Variants in RPRD2 observed in about 807,000 individuals in gnomAD.
The protein encoded by RPRD2 is regulation of nuclear pre-mRNA domain-containing protein 2.
Under a neutral mutation model 104.4 loss-of-function variants are expected in RPRD2, and 12 were observed. The ratio of observed to expected loss-of-function variants is 0.11; its 90% CI spans 0.07 to 0.19. The LOEUF is 0.19. Ranked by LOEUF, RPRD2 falls within the 10% of genes least tolerant of loss-of-function variation. The probability of loss-of-function intolerance (pLI) is 1.00; values close to 1 mark genes in which losing one functional copy is unlikely to be tolerated. For missense variants in RPRD2, 1,543 were observed against 1,790.1 expected, an observed-to-expected ratio of 0.86 and a Z score of 2.49; for synonymous variants, 714 against 684.9, an observed-to-expected ratio of 1.04 and a Z score of -0.66.
intron 5 of RPRD2, 40 bp from the exon 6 acceptor site, chr1:150,444,211 A>G: frequency 1.9e-6 from 3 of 1,584,226 alleles, no homozygotes; most frequent in Non-Finnish European, 2.6e-6. Context: ...GAATAATTGA[A>G]TGATCTTGTA....
chr1:150,381,544 G>A (rs1272075200), intron 1 of RPRD2, among the ~76,000 whole-genome samples: 13 of 141,878 alleles, frequency 9.2e-5, no homozygotes, highest in African/African-American at 2.9e-4. Context: ...TTGCTCTATC[G>A]CCCAGGCTGG....
chr1:150,382,202 G>A (rs1661187369), intron 1 of RPRD2, among the ~76,000 whole-genome samples: 2 of 147,358 alleles, frequency 1.4e-5, no homozygotes, highest in Non-Finnish European at 3.0e-5. Context: ...TAAAGGAGTG[G>A]ACATGGCTTT....
intron 2 of RPRD2, among the ~76,000 whole-genome samples, chr1:150,420,272 T>C (rs1664671219): frequency 6.6e-6 from 1 of 152,160 alleles, no homozygotes; most frequent in Admixed American, 6.6e-5. Flanking sequence ...TGTAAAGATA[T>C]GTTTAAAAAC....
At chr1:150,428,888 A>G (rs1371780517) in intron 2 of RPRD2, among the ~76,000 whole-genome samples, 1 of 152,058 alleles carries the variant, frequency 6.6e-6, no homozygotes, top group Non-Finnish European at 1.5e-5. Context: ...TATAAGAGTA[A>G]GGGGGGGTGT....
At chr1:150,433,600 A>G (rs951360977) in intron 2 of RPRD2, among the ~76,000 whole-genome samples, 38 of 149,018 alleles carry the variant, frequency 2.6e-4, no homozygotes, top group South Asian at 4.2e-4. Context: ...GCCCGCCACA[A>G]CGCCCAGCTA....
chr1:150,385,338 G>A (rs781925777), intron 1 of RPRD2, among the ~76,000 whole-genome samples: 7 of 152,058 alleles, frequency 4.6e-5, no homozygotes, highest in South Asian at 2.1e-4. Context: ...TTAGTCGGGC[G>A]TGGTGGCATG....
chr1:150,455,470 C>G (rs189451552), intron 7 of RPRD2, among the ~76,000 whole-genome samples: 1 of 151,830 alleles, frequency 6.6e-6, no homozygotes, highest in East Asian at 1.9e-4. Flanking sequence ...CCACTGCACT[C>G]CAGCCTGGGC....
intron 1 of RPRD2, among the ~76,000 whole-genome samples, chr1:150,380,419 G>C (rs1376391590): frequency 6.6e-6 from 1 of 151,522 alleles, no homozygotes; most frequent in Non-Finnish European, 1.5e-5. Context: ...TTTCCTCCTG[G>C]GTTCAAGCGA....
At chr1:150,421,469 G>A (rs2102289123) in intron 2 of RPRD2, among the ~76,000 whole-genome samples, 1 of 152,108 alleles carries the variant, frequency 6.6e-6, no homozygotes, top group South Asian at 2.1e-4. Context: ...TGTAATCCCA[G>A]TCAAAATCTC....
chr1:150,393,340 C>A (rs1395839828), intron 1 of RPRD2, among the ~76,000 whole-genome samples: 1 of 151,414 alleles, frequency 6.6e-6, no homozygotes, highest in Non-Finnish European at 1.5e-5. Context: ...TGCCTACAGT[C>A]CCAGCTATTT....
chr1:150,379,192 A>G (rs1437613860), intron 1 of RPRD2, among the ~76,000 whole-genome samples: 14 of 150,444 alleles, frequency 9.3e-5, no homozygotes, highest in Non-Finnish European at 5.9e-5. Flanking sequence ...CTGAGGCAGG[A>G]GAATTGCTTG....
intron 1 of RPRD2, among the ~76,000 whole-genome samples, chr1:150,388,495 GCGCA>G (rs1661808798): frequency 1.2e-5 from 1 of 86,408 alleles, no homozygotes. Flanking sequence ...ATATATACCC[GCGCA>G]CACACACACA....
intron 1 of RPRD2, among the ~76,000 whole-genome samples, chr1:150,367,387 G>A (rs956618030): frequency 8.8e-5 from 9 of 102,158 alleles, no homozygotes; most frequent in Non-Finnish European, 2.3e-4. Flanking sequence ...TCAGCTTTAG[G>A]AAAAATTGTG....
intron 9 of RPRD2, among the ~76,000 whole-genome samples, chr1:150,463,865 G>A (rs1668096545): frequency 6.6e-6 from 1 of 152,150 alleles, no homozygotes; most frequent in Non-Finnish European, 1.5e-5. Context: ...AGATTGTCCA[G>A]GTGTGGTGGT....
Position 150,473,291 on chromosome 1 carries a change from C to T in RPRD2, c.4343C>T (p.Pro1448Leu), listed in dbSNP as rs373559731. The change falls in exon 11 of 11, where the codon CCG (proline) becomes CTG (leucine). Residue 1448 changes from proline (P) to leucine (L), a missense_variant. Transcript: ENST00000369068. ...RPRPPFARGP[P>L]FFAPKRPFFP... ...AGGCCACCTTTTGCTAGGGGCCCTCCGTTCTTTGCACCAAAACGCCCATTC... is the reference window on the plus strand; with the variant it reads ...AGGCCACCTTTTGCTAGGGGCCCTCTGTTCTTTGCACCAAAACGCCCATTC... 1.4e-5 allele frequency: 23 copies of T among 1,613,204 alleles called. No individual in the cohort carries two copies. The highest frequency in any genetic ancestry group is 1.7e-4 in the Middle Eastern group (1 of 5,980).
Position 150,470,580 on chromosome 1 carries a change from G to C in RPRD2, c.1632G>C (p.Gln544His). ...CTACAGGCCTGTCATCTTTACTTCA[G>C]AGTGTTACTGGGAACCCAGTTCCAG... ...PALQGLSSLL[Q>H]SVTGNPVPAS... Residue 544 changes from glutamine (Q) to histidine (H), a missense_variant, in exon 11 of 11, where the codon CAG becomes CAC. By Grantham distance (24) the Gln-to-His change is conservative. Coordinates refer to ENST00000369068, the MANE Select transcript of RPRD2 (RefSeq NM_015203.5). The C allele has an allele frequency of 1.9e-6, 3 of 1,613,664 alleles. No individual in the cohort carries two copies. The highest frequency in any genetic ancestry group is 1.3e-5 in the African/African-American group (1 of 74,996).
At chr1:150,398,306 C>G (rs1373744922) in intron 1 of RPRD2, among the ~76,000 whole-genome samples, 1 of 152,016 alleles carries the variant, frequency 6.6e-6, no homozygotes, top group Non-Finnish European at 1.5e-5. Context: ...ACGCCATTCT[C>G]CTGCCTCAGC....
rs190775330 is a variant in RPRD2 at position 150,423,162 on chromosome 1, A to G, written c.335+5437A>G. 1.5e-3 allele frequency among the ~76,000 whole-genome samples: 229 copies of G among 152,332 alleles called. 1 individual carries two copies. The highest frequency in any genetic ancestry group is 2.2e-3 in the Non-Finnish European group (153 of 68,038). On this transcript the variant is annotated intron_variant, in intron 2 of 10. Transcript: ENST00000369068. ...AGCTAAGGGACAGAAATGCCAGTTT[A>G]TCTGAATATACATCACCATGAGACC... is the stretch of plus-strand genomic sequence containing the variant.
chr1:150,455,225 C>T (rs1174574003), intron 7 of RPRD2, among the ~76,000 whole-genome samples: 1 of 152,130 alleles, frequency 6.6e-6, no homozygotes, highest in Non-Finnish European at 1.5e-5. Context: ...AAGTCCAGGC[C>T]GGGCGCGATG....
Sources: gnomAD v4.1 joint callset for allele counts (sites outside exome capture counted in the v4.1 genomes callset) on GRCh38, gnomAD v4.1.1 for gene constraint, MANE v1.5 for transcripts, NCBI Gene and HGNC (gene_info 2026-07-23, HGNC 2026-07-21) for gene names.